CUX1: variants seen among roughly 807,000 people sequenced by gnomAD.
CUX1 encodes the protein protein CASP.
In CUX1, 31 loss-of-function variants were observed where a neutral mutation model predicts 158.8. The observed-to-expected ratio is 0.20, with a 90% CI of 0.15 to 0.26. The LOEUF is 0.26. Ranked by LOEUF, CUX1 falls within the 10% of genes least tolerant of loss-of-function variation. CUX1 has a pLI of 1.00. For synonymous variants in CUX1, 879 were observed against 862.1 expected, an observed-to-expected ratio of 1.02 and a Z score of -0.34; for missense variants, 1,589 against 2,014.6, an observed-to-expected ratio of 0.79 and a Z score of 4.04.
intron 14 of CUX1, chr7:102,273,276 C>T: frequency 6.6e-7 from 1 of 1,524,228 alleles, no homozygotes; most frequent in Non-Finnish European, 8.8e-7. Flanking sequence ...GCCCTGCTTC[C>T]AGACCGTGGG....
chr7:101,994,542 A>G (rs1018462030), intron 2 of CUX1, among the ~76,000 whole-genome samples: 2 of 152,208 alleles, frequency 1.3e-5, no homozygotes, highest in Admixed American at 6.5e-5. Flanking sequence ...TGGAGGCCGC[A>G]GTGAGCCAAG....
In CUX1 at chr7:102,250,067, A is replaced by AC; in HGVS notation, c.*1025_*1026insC. On this transcript the variant is annotated 3_prime_UTR_variant, in exon 24 of 24. Transcript: ENST00000292535. ...ACAAAAAAAAGAAAAAAAAAGAAAA[A>AC]AAAAAAAGAAAAGATCCGAATCTAG... 2 of 985,110 alleles carry AC rather than the reference A, an allele frequency of 2.0e-6. No homozygotes were observed. The highest frequency in any genetic ancestry group is 2.4e-6 in the Non-Finnish European group (2 of 829,450). The allele number at this position is 985,110 out of a possible 1,614,324, so 61.0% of individuals were successfully genotyped here. A position where few individuals can be genotyped will look rare whatever the true frequency, so the allele number is the denominator to read the frequency against.
At chr7:102,098,606 T>C (rs1829438009) in intron 5 of CUX1, among the ~76,000 whole-genome samples, 1 of 151,614 alleles carries the variant, frequency 6.6e-6, no homozygotes, top group Non-Finnish European at 1.5e-5. Context: ...CAAGATCCAG[T>C]CTTTAACAAC....
intron 21 of CUX1, among the ~76,000 whole-genome samples, chr7:102,282,193 A>G (rs1792128069): frequency 2.0e-5 from 3 of 152,178 alleles, no homozygotes; most frequent in Non-Finnish European, 2.9e-5. Flanking sequence ...AACGGGCTTC[A>G]TAGGAAGAAG....
At chr7:102,076,280 G>A (rs1434060043) in intron 4 of CUX1, among the ~76,000 whole-genome samples, 1 of 152,100 alleles carries the variant, frequency 6.6e-6, no homozygotes, top group Non-Finnish European at 1.5e-5. Flanking sequence ...AGCTACTTGG[G>A]AGGCTGTGGC....
chr7:101,931,971 C>T (rs1806343863), intron 2 of CUX1, among the ~76,000 whole-genome samples: 1 of 152,196 alleles, frequency 6.6e-6, no homozygotes, highest in Non-Finnish European at 1.5e-5. Flanking sequence ...AGATTTCATT[C>T]ATAGGTGAAT....
At chr7:101,931,775 G>A (rs781406764) in intron 2 of CUX1, among the ~76,000 whole-genome samples, 5 of 152,102 alleles carry the variant, frequency 3.3e-5, no homozygotes, top group South Asian at 2.1e-4. Context: ...TGTTACGCAC[G>A]CTGGTCTCAA....
At chr7:102,113,755 G>A (rs1166450366) in intron 7 of CUX1, among the ~76,000 whole-genome samples, 1 of 151,716 alleles carries the variant, frequency 6.6e-6, no homozygotes, top group African/African-American at 2.4e-5. Context: ...TTATGGACAT[G>A]GAGTCTCACT....
intron 2 of CUX1, among the ~76,000 whole-genome samples, chr7:102,005,131 C>T (rs1289649364): frequency 1.3e-5 from 2 of 152,104 alleles, no homozygotes; most frequent in Non-Finnish European, 2.9e-5. Flanking sequence ...TCAGCTTCTA[C>T]CCAGAAGTAC....
chr7:102,025,675 C>T (rs4727516), intron 2 of CUX1, among the ~76,000 whole-genome samples: 3,226 of 152,130 alleles, frequency 0.021, 66 homozygotes, highest in Non-Finnish European at 0.034. Flanking sequence ...ATTTTTTGTC[C>T]TGGAGCCTGG....
At chr7:102,155,417 A>G (rs1353613315) in intron 8 of CUX1, among the ~76,000 whole-genome samples, 1 of 151,406 alleles carries the variant, frequency 6.6e-6, no homozygotes, top group African/African-American at 2.4e-5. Flanking sequence ...ATGCTGGCGT[A>G]CACCACTAGT....
At chr7:101,878,726 G>T (rs1799416314) in intron 1 of CUX1, among the ~76,000 whole-genome samples, 1 of 151,980 alleles carries the variant, frequency 6.6e-6, no homozygotes, top group Admixed American at 6.6e-5. Context: ...AGGCTGAAGT[G>T]CAGTGGTATG....
chr7:101,947,636 A>T lies in CUX1; in HGVS notation c.141+31411A>T, dbSNP rs900834407. Among the ~76,000 whole-genome samples the T allele has an allele frequency of 3.9e-5, 6 of 152,232 alleles. No individual in the cohort carries two copies. In the East Asian group the frequency reaches 9.6e-4, roughly 24 times the overall value. ...CAGTCTCTAAAATTAAAGAAAAGAA[A>T]GATTTATTTCCAAAAAAGCCCACAG... On this transcript the variant is annotated intron_variant, in intron 2 of 23. Coordinates refer to ENST00000292535, the MANE Select transcript of CUX1 (RefSeq NM_181552.4).
intron 2 of CUX1, among the ~76,000 whole-genome samples, chr7:101,998,743 A>G (rs957802674): frequency 6.6e-6 from 1 of 152,324 alleles, no homozygotes; most frequent in East Asian, 1.9e-4. Flanking sequence ...GGCTCTGGCC[A>G]GGGTATAGGA....
At chr7:101,851,540 T>G (rs1198535527) in intron 1 of CUX1, among the ~76,000 whole-genome samples, 1 of 152,216 alleles carries the variant, frequency 6.6e-6, no homozygotes, top group Non-Finnish European at 1.5e-5. Flanking sequence ...AAGATCTTCT[T>G]TATTCTGTCC....
At chr7:102,054,304 GT>G (rs1267508269) in intron 3 of CUX1, among the ~76,000 whole-genome samples, 3 of 152,102 alleles carry the variant, frequency 2.0e-5, no homozygotes, top group South Asian at 4.1e-4. Flanking sequence ...ATATATTTTG[GT>G]CTTTGATTTA....
chr7:102,214,088 C>A (rs972377656), intron 20 of CUX1, among the ~76,000 whole-genome samples: 2 of 151,896 alleles, frequency 1.3e-5, no homozygotes, highest in Admixed American at 6.6e-5. Context: ...GGCGAGATCA[C>A]GCCACTGCAC....
At chr7:102,100,999 C>T (rs1554486174) in intron 5 of CUX1, among the ~76,000 whole-genome samples, 1 of 152,146 alleles carries the variant, frequency 6.6e-6, no homozygotes, top group Non-Finnish European at 1.5e-5. Flanking sequence ...GAAAGAGGAT[C>T]AGGCATGCCA....
chr7:101,856,449 A>G (rs903638517), intron 1 of CUX1, among the ~76,000 whole-genome samples: 59 of 152,192 alleles, frequency 3.9e-4, no homozygotes, highest in African/African-American at 1.2e-3. Flanking sequence ...TGGTCCCATC[A>G]AGAAGTCTGG....
Sources: allele counts gnomAD v4.1 joint callset (sites outside exome capture counted in the v4.1 genomes callset), GRCh38; gene constraint gnomAD v4.1.1; transcripts MANE v1.5; gene names NCBI Gene and HGNC (gene_info 2026-07-23, HGNC 2026-07-21).